The following ACOXL variants were observed in gnomAD, a reference collection of about 807,000 sequenced individuals.
ACOXL encodes the protein acyl-coenzyme A oxidase-like protein.
A neutral mutation model predicts 71.9 loss-of-function variants in ACOXL; 70 were observed. The ratio of observed to expected loss-of-function variants is 0.97; its 90% CI spans 0.80 to 1.19. ACOXL has a LOEUF of 1.19. ACOXL is among the 50% of genes most tolerant of loss of function. The probability of loss-of-function intolerance (pLI) is 0.00; values close to 1 mark genes in which losing one functional copy is unlikely to be tolerated. For missense variants in ACOXL, 703 were observed against 736.3 expected (o/e 0.95, Z 0.52); for synonymous variants, 253 against 281.6 (o/e 0.90, Z 1.02).
chr2:110,784,120 C>G (rs895862221), intron 2 of ACOXL, among the ~76,000 whole-genome samples: 2 of 152,298 alleles, frequency 1.3e-5, no homozygotes, highest in South Asian at 4.2e-4. Context: ...CCTCCACCCT[C>G]ACATCAAGAT....
At chr2:110,880,898 A>G (rs1433361322) in intron 10 of ACOXL, among the ~76,000 whole-genome samples, 2 of 152,212 alleles carry the variant, frequency 1.3e-5, no homozygotes, top group Non-Finnish European at 1.5e-5. Flanking sequence ...GACATTGGGT[A>G]TGGCAAATCT....
At chr2:110,794,206 G>A in intron 5 of ACOXL, 32 bp downstream of exon 5, 1 of 1,603,242 alleles carries the variant, frequency 6.2e-7, no homozygotes, top group Non-Finnish European at 8.5e-7. Context: ...TGCCGTGCAG[G>A]GGAGCTGGAA....
chr2:110,758,080 G>A (rs1679925790), intron 1 of ACOXL, among the ~76,000 whole-genome samples: 1 of 152,140 alleles, frequency 6.6e-6, no homozygotes, highest in Non-Finnish European at 1.5e-5. Flanking sequence ...ATGGTGTAAG[G>A]AAGGGGTCTA....
intron 3 of ACOXL, 29 bp from the exon 4 acceptor site, chr2:110,793,621 A>G (rs1393845402): frequency 6.3e-7 from 1 of 1,593,506 alleles, no homozygotes; most frequent in East Asian, 2.2e-5. Context: ...ACTGTTGCTA[A>G]TGATGGTTTG....
chr2:110,779,576 A>G (rs900961083), intron 2 of ACOXL, among the ~76,000 whole-genome samples: 2 of 152,354 alleles, frequency 1.3e-5, no homozygotes, highest in Middle Eastern at 3.4e-3. Context: ...CAGCCCTTAT[A>G]TTATAAAGCT....
intron 10 of ACOXL, among the ~76,000 whole-genome samples, chr2:110,876,567 C>T (rs574630639): frequency 7.0e-4 from 106 of 152,330 alleles, no homozygotes; most frequent in Non-Finnish European, 1.3e-3. Flanking sequence ...CCCAGGACCC[C>T]TGTCTTCTGT....
chr2:110,941,027 T>C (rs1450169329), intron 12 of ACOXL, among the ~76,000 whole-genome samples: 2 of 152,176 alleles, frequency 1.3e-5, no homozygotes, highest in Non-Finnish European at 2.9e-5. Context: ...CTGCGATAAA[T>C]GAGATTTCAC....
intron 1 of ACOXL, among the ~76,000 whole-genome samples, chr2:110,755,893 T>C (rs1679616716): frequency 6.6e-6 from 1 of 151,996 alleles, no homozygotes; most frequent in African/African-American, 2.4e-5. Context: ...TTCTAGTGTG[T>C]CCTTAAAGAA....
intron 15 of ACOXL, among the ~76,000 whole-genome samples, chr2:111,039,125 A>T (rs2065658864): frequency 6.6e-6 from 1 of 152,224 alleles, no homozygotes; most frequent in African/African-American, 2.4e-5. Flanking sequence ...TGCTTTTTAG[A>T]AACCAAAAGT....
rs576329906 is a variant in ACOXL at position 110,769,780 on chromosome 2, G to C, written c.75+1316G>C. 3.9e-5 allele frequency among the ~76,000 whole-genome samples: 6 copies of C among 152,314 alleles called. No homozygotes were observed. The East Asian group carries it at 9.6e-4, about 24-fold the overall frequency. On this transcript the variant is annotated intron_variant, in intron 2 of 17. Coordinates refer to ENST00000439055, the MANE Select transcript of ACOXL (RefSeq NM_001142807.4). ...AACCAGGAGGCGGAGGTTGCGGTGA[G>C]CTGAGATTGCGCCACTGCACTCCAG...
intron 1 of ACOXL, among the ~76,000 whole-genome samples, chr2:110,735,122 T>C (rs778189191): frequency 6.6e-6 from 1 of 152,244 alleles, no homozygotes; most frequent in Non-Finnish European, 1.5e-5. Flanking sequence ...AGTAATGGCA[T>C]GAACAACATT....
Position 110,869,442 on chromosome 2 carries a change from CCTT to C in ACOXL, c.788+28040_788+28042del, listed in dbSNP as rs535307458. Among the ~76,000 whole-genome samples, 45 of 152,296 alleles carry C rather than the reference CCTT, an allele frequency of 3.0e-4. No homozygotes were observed. In the Middle Eastern group the frequency reaches 0.01, roughly 35 times the overall value. ...GTATGTAGTTTCACCTTTTGTTTAA[CCTT>C]CTGTTTGGAGGCTCACTGGCCACAA... is the stretch of plus-strand genomic sequence containing the variant. On this transcript the variant is annotated intron_variant, in intron 10 of 17. Coordinates refer to ENST00000439055, the MANE Select transcript of ACOXL (RefSeq NM_001142807.4).
chr2:110,814,678 C>T (rs1462020021), intron 9 of ACOXL, among the ~76,000 whole-genome samples: 7 of 152,092 alleles, frequency 4.6e-5, no homozygotes, highest in East Asian at 1.9e-4. Context: ...GCCAGGGCTA[C>T]GAAGTATTGT....
Position 110,768,481 on chromosome 2 carries a change from T to C in ACOXL, c.75+17T>C. 6.2e-7 allele frequency: 1 copy of C among 1,611,402 alleles called. No individual in the cohort carries two copies. Among genetic ancestry groups the C allele is most frequent in the Non-Finnish European group, 8.5e-7 (1 of 1,178,006 alleles). On this transcript the variant is annotated intron_variant, in intron 2 of 17. Transcript: ENST00000439055. ...CAGGATCTGGTAAGTGTCATTATTA[T>C]TCTGGTATGGTTGTGTGTGTGTGTG...
intron 11 of ACOXL, among the ~76,000 whole-genome samples, chr2:110,913,073 A>T (rs758875047): frequency 1.1e-4 from 16 of 152,212 alleles, no homozygotes; most frequent in Non-Finnish European, 2.1e-4. Context: ...CTTCACACCC[A>T]CTAGGATGGC....
intron 2 of ACOXL, among the ~76,000 whole-genome samples, chr2:110,770,568 C>T (rs977909434): frequency 1.3e-5 from 2 of 152,118 alleles, no homozygotes; most frequent in African/African-American, 4.8e-5. Flanking sequence ...GCTTGCGAAG[C>T]GTAAAAAATC....
At chr2:110,915,841 T>G (rs2059840492) in intron 11 of ACOXL, among the ~76,000 whole-genome samples, 1 of 152,138 alleles carries the variant, frequency 6.6e-6, no homozygotes, top group African/African-American at 2.4e-5. Context: ...TGAAATTTCC[T>G]TGGAAGATTT....
intron 12 of ACOXL, among the ~76,000 whole-genome samples, chr2:110,982,585 C>T (rs973019810): frequency 2.0e-5 from 3 of 152,216 alleles, no homozygotes; most frequent in Non-Finnish European, 2.9e-5. Context: ...TCAAGACCAT[C>T]CCCTTAGTCT....
chr2:110,795,226 G>T (rs1242026258), intron 5 of ACOXL, among the ~76,000 whole-genome samples: 1 of 152,210 alleles, frequency 6.6e-6, no homozygotes, highest in Non-Finnish European at 1.5e-5. Context: ...CTGACCCAGG[G>T]TTGCTGGTTG....
Sources: gnomAD v4.1 joint callset for allele counts (sites outside exome capture counted in the v4.1 genomes callset) on GRCh38, gnomAD v4.1.1 for gene constraint, MANE v1.5 for transcripts, NCBI Gene and HGNC (gene_info 2026-07-23, HGNC 2026-07-21) for gene names.